The following ETS1 variants were observed in gnomAD, a reference collection of about 807,000 sequenced individuals.
ETS1 encodes the protein protein C-ets-1.
A neutral mutation model predicts 58.6 loss-of-function variants in ETS1; 15 were observed. The observed-to-expected ratio is 0.26, with a 90% CI of 0.17 to 0.39. ETS1 has a LOEUF of 0.39. Among genes scored for constraint, ETS1 ranks in the 10% least tolerant of loss-of-function variants. ETS1 has a pLI of 1.00. For missense variants in ETS1, 417 were observed against 610.5 expected, an observed-to-expected ratio of 0.68 and a Z score of 3.34; for synonymous variants, 214 against 218.2, an observed-to-expected ratio of 0.98 and a Z score of 0.17.
At chr11:128,545,439 C>G (rs951260457) in intron 3 of ETS1, among the ~76,000 whole-genome samples, 1 of 152,206 alleles carries the variant, frequency 6.6e-6, no homozygotes, top group Non-Finnish European at 1.5e-5. Flanking sequence ...ACCTGCCTCC[C>G]AGAATTAGTT....
chr11:128,542,309 T>A (rs901758442), intron 3 of ETS1, among the ~76,000 whole-genome samples: 6 of 151,944 alleles, frequency 3.9e-5, no homozygotes, highest in African/African-American at 1.5e-4. Context: ...CCAAAGCAGA[T>A]GTGAGCTAGA....
At chr11:128,577,218 T>A (rs543270344) in intron 1 of ETS1, among the ~76,000 whole-genome samples, 1 of 152,378 alleles carries the variant, frequency 6.6e-6, no homozygotes, top group South Asian at 2.1e-4. Context: ...TATTTGTTCC[T>A]CAAAATAGAG....
Position 128,586,061 on chromosome 11 carries a change from G to C in ETS1, c.-15+1427C>G, listed in dbSNP as rs551450260. ...ACTAGCACCTCCGTGTAAGGAGCCT[G>C]CCGGGCAAAGATGCCCCCTCCATAA... is the stretch of plus-strand genomic sequence containing the variant. On this transcript the variant is annotated intron_variant, in intron 1 of 9. Transcript: ENST00000392668. 9.3e-4 allele frequency among the ~76,000 whole-genome samples: 142 copies of C among 152,294 alleles called. 1 individual carries two copies. The highest frequency in any genetic ancestry group is 3.2e-3 in the African/African-American group (132 of 41,552).
At chr11:128,479,615 C>T (rs926466970) in intron 8 of ETS1, among the ~76,000 whole-genome samples, 3 of 152,182 alleles carry the variant, frequency 2.0e-5, no homozygotes, top group African/African-American at 4.8e-5. Flanking sequence ...ATAGCTTTCG[C>T]TCCTGGAAGA....
In ETS1 at chr11:128,476,107, C is replaced by T. The variant is rs573017697; in HGVS notation, c.1123+4084G>A. ...AATCACTTCATTCATAAATGCAAATCAAAGAGTGAGAACACACCTAGACAT... is the reference window on the plus strand; with the variant it reads ...AATCACTTCATTCATAAATGCAAATTAAAGAGTGAGAACACACCTAGACAT... On this transcript the variant is annotated intron_variant, in intron 8 of 9. Coordinates refer to ENST00000392668, the MANE Select transcript of ETS1 (RefSeq NM_001143820.2). Among the ~76,000 whole-genome samples the T allele has an allele frequency of 2.0e-5, 3 of 152,294 alleles. No homozygotes were observed. The South Asian group carries it at 6.2e-4, about 32-fold the overall frequency.
intron 8 of ETS1, among the ~76,000 whole-genome samples, chr11:128,468,483 C>A (rs942826753): frequency 6.6e-6 from 1 of 152,154 alleles, no homozygotes; most frequent in Admixed American, 6.5e-5. Flanking sequence ...CTGGGAGTTG[C>A]CTGCCTGTGA....
At chr11:128,566,583 A>G (rs1311136308) in intron 2 of ETS1, among the ~76,000 whole-genome samples, 1 of 152,124 alleles carries the variant, frequency 6.6e-6, no homozygotes, top group African/African-American at 2.4e-5. Context: ...GGAGATCGAG[A>G]CCATCCTGGC....
chr11:128,575,341 G>C (rs1864723158), intron 1 of ETS1, among the ~76,000 whole-genome samples: 1 of 152,006 alleles, frequency 6.6e-6, no homozygotes, highest in Non-Finnish European at 1.5e-5. Context: ...ATATCTTACT[G>C]TACTGTACTC....
At chr11:128,534,142 A>G (rs182282860) in intron 3 of ETS1, among the ~76,000 whole-genome samples, 2 of 152,346 alleles carry the variant, frequency 1.3e-5, no homozygotes, top group African/African-American at 2.4e-5. Context: ...AATGATAAAA[A>G]TGGAGGGAGA....
chr11:128,535,012 C>T, intron 3 of ETS1, among the ~76,000 whole-genome samples: 1 of 152,186 alleles, frequency 6.6e-6, no homozygotes, highest in Admixed American at 6.5e-5. Context: ...CATTGTCTTC[C>T]ACAATGGTTG....
intron 6 of ETS1, among the ~76,000 whole-genome samples, chr11:128,485,553 A>G (rs1375986845): frequency 6.6e-6 from 1 of 152,224 alleles, no homozygotes; most frequent in Non-Finnish European, 1.5e-5. Context: ...ACAGGCCTAC[A>G]TTCATTGTTT....
chr11:128,490,670 G>T, intron 3 of ETS1, 94 bp from the exon 4 acceptor site: 2 of 890,006 alleles, frequency 2.2e-6, no homozygotes, highest in Non-Finnish European at 3.5e-6. Flanking sequence ...GGCAAGCTGA[G>T]AAACAACTGT....
At chr11:128,585,186 GAA>G (rs1864995008) in intron 1 of ETS1, among the ~76,000 whole-genome samples, 1 of 19,546 alleles carries the variant, frequency 5.1e-5, no homozygotes, top group Non-Finnish European at 8.8e-5. Flanking sequence ...AAGAAAGAAA[GAA>G]GGAAGGAAAG....
At chr11:128,540,995 C>G in intron 3 of ETS1, among the ~76,000 whole-genome samples, 1 of 152,262 alleles carries the variant, frequency 6.6e-6, no homozygotes, top group East Asian at 1.9e-4. Context: ...AAATCGAGCT[C>G]TGTCCTCATT....
intron 3 of ETS1, among the ~76,000 whole-genome samples, chr11:128,497,882 C>A (rs1265245139): frequency 3.3e-5 from 5 of 151,534 alleles, no homozygotes; most frequent in Admixed American, 3.3e-4. Context: ...AGGATCCCAG[C>A]CAGAAAGCAG....
At chr11:128,504,205 T>G (rs181714064) in intron 3 of ETS1, among the ~76,000 whole-genome samples, 256 of 152,330 alleles carry the variant, frequency 1.7e-3, no homozygotes, top group Non-Finnish European at 2.8e-3. Flanking sequence ...CTCCAAGGTT[T>G]GTGTAGACCT....
rs1178908134 is a variant in ETS1 at position 128,460,582 on chromosome 11, G to C, written c.*1779C>G. On this transcript the variant is annotated 3_prime_UTR_variant, in exon 10 of 10. Transcript: ENST00000392668. ...CCCTCCTCCTTATCCTTTCAACTGG[G>C]CAACTATAGAGTGAGGGAGATTCTA... 1.3e-5 allele frequency: 2 copies of C among 152,192 alleles called. No individual in the cohort carries two copies. Among genetic ancestry groups the C allele is most frequent in the African/African-American group, 4.8e-5 (2 of 41,378 alleles). The allele number at this position is 152,192 out of a possible 1,614,324, so 9.4% of individuals were successfully genotyped here.
intron 3 of ETS1, among the ~76,000 whole-genome samples, chr11:128,518,931 A>C (rs541588000): frequency 2.8e-4 from 42 of 152,316 alleles, no homozygotes; most frequent in African/African-American, 7.9e-4. Context: ...CATTAAGCTC[A>C]CCTCACCAAG....
chr11:128,515,007 T>G (rs1404868697), intron 3 of ETS1, among the ~76,000 whole-genome samples: 1 of 152,198 alleles, frequency 6.6e-6, no homozygotes, highest in Non-Finnish European at 1.5e-5. Flanking sequence ...ATTTTGCAAT[T>G]GAATCCACCA....
Sources: gnomAD v4.1 joint callset for allele counts (sites outside exome capture counted in the v4.1 genomes callset) on GRCh38, gnomAD v4.1.1 for gene constraint, MANE v1.5 for transcripts, NCBI Gene and HGNC (gene_info 2026-07-23, HGNC 2026-07-21) for gene names.